The following SLC39A9 variants were observed in gnomAD, a reference collection of about 807,000 sequenced individuals.
SLC39A9 encodes zinc transporter ZIP9.
SLC39A9 carries 14 observed loss-of-function variants against 28.4 expected under a neutral mutation model. The ratio of observed to expected loss-of-function variants is 0.49; its 90% CI spans 0.33 to 0.77. SLC39A9 has a LOEUF of 0.77. Among genes scored for constraint, SLC39A9 ranks in the 30% least tolerant of loss-of-function variants. The pLI is 0.02. For synonymous variants in SLC39A9, 119 were observed against 149.6 expected (o/e 0.80, Z 1.49); for missense variants, 283 against 381.1 (o/e 0.74, Z 2.14).
At chr14:69,432,755 C>A (rs999280988) in intron 2 of SLC39A9, among the ~76,000 whole-genome samples, 3 of 152,098 alleles carry the variant, frequency 2.0e-5, no homozygotes, top group Non-Finnish European at 4.4e-5. Flanking sequence ...CAGTTTCATT[C>A]CCCTGGATAT....
chr14:69,443,564 G>A (rs1315039937), intron 3 of SLC39A9, among the ~76,000 whole-genome samples: 1 of 152,266 alleles, frequency 6.6e-6, no homozygotes, highest in African/African-American at 2.4e-5. Flanking sequence ...TTTATTGTCT[G>A]CATTCATAAT....
At chr14:69,414,295 T>C (rs767583637) in intron 1 of SLC39A9, among the ~76,000 whole-genome samples, 5 of 152,186 alleles carry the variant, frequency 3.3e-5, no homozygotes, top group African/African-American at 9.7e-5. Flanking sequence ...TTAAAACTTA[T>C]CTCAATGTAG....
chr14:69,456,264 C>T (rs555883735), intron 6 of SLC39A9, among the ~76,000 whole-genome samples: 24 of 152,290 alleles, frequency 1.6e-4, no homozygotes, highest in Admixed American at 3.3e-4. Context: ...AGAGCAGCAG[C>T]TGGGCAGAGA....
At chr14:69,414,050 CTTTTT>C (rs1186216595) in intron 1 of SLC39A9, among the ~76,000 whole-genome samples, 4 of 132,182 alleles carry the variant, frequency 3.0e-5, no homozygotes, top group Non-Finnish European at 3.2e-5. Flanking sequence ...ATTTCATATT[CTTTTT>C]TTTTTTTTTT....
At chr14:69,404,029 G>C (rs377697339) in intron 1 of SLC39A9, among the ~76,000 whole-genome samples, 16 of 152,232 alleles carry the variant, frequency 1.1e-4, no homozygotes, top group African/African-American at 3.4e-4. Context: ...GGCAGCAAGA[G>C]CAAAACTCCC....
rs76895057 is a variant in SLC39A9, at chr14:69,400,980, TA to T, written c.96+1530del. On this transcript the variant is annotated intron_variant, in intron 1 of 6. Transcript: ENST00000336643. ...TGGGCAACATTGAGACTCTTTCTCTTAAAAAAAAAAAAAAAGAAAATAAAAA... is the reference window on the plus strand; with the variant it reads ...TGGGCAACATTGAGACTCTTTCTCTTAAAAAAAAAAAAAAGAAAATAAAAA... Among the ~76,000 whole-genome samples, 1,084 of 134,308 alleles carry T rather than the reference TA, an allele frequency of 8.1e-3. 3 individuals are homozygous for T. Among genetic ancestry groups the T allele is most frequent in the African/African-American group, 0.012 (424 of 36,318 alleles). The allele number at this position is 134,308 out of a possible 152,430, so 88.1% of individuals were successfully genotyped here.
intron 2 of SLC39A9, among the ~76,000 whole-genome samples, chr14:69,433,042 T>A (rs1454997157): frequency 6.6e-6 from 1 of 152,218 alleles, no homozygotes; most frequent in African/African-American, 2.4e-5. Context: ...ATATGAATTT[T>A]AGAATAGTTT....
chr14:69,442,274 G>A lies in SLC39A9; in HGVS notation c.403+8G>A, dbSNP rs1156819206. 6.2e-7 allele frequency: 1 copy of A among 1,613,330 alleles called. No homozygotes were observed. The highest frequency in any genetic ancestry group is 1.7e-5 in the Admixed American group (1 of 60,000). ...ATGTGCATTCTACTGACGGTGAGTGGCTCCAAGGCTTTCTGGGCAGTGCAA... is the reference window on the plus strand; with the variant it reads ...ATGTGCATTCTACTGACGGTGAGTGACTCCAAGGCTTTCTGGGCAGTGCAA... On this transcript the variant is annotated splice_region_variant and intron_variant, in intron 3 of 6. Transcript: ENST00000336643.
intron 2 of SLC39A9, among the ~76,000 whole-genome samples, chr14:69,434,211 G>A (rs1295394394): frequency 6.6e-6 from 1 of 151,024 alleles, no homozygotes; most frequent in Non-Finnish European, 1.5e-5. Flanking sequence ...AGCCTCCCAA[G>A]TAGCTGGGAT....
chr14:69,400,291 A>G (rs531547983), intron 1 of SLC39A9, among the ~76,000 whole-genome samples: 7 of 152,322 alleles, frequency 4.6e-5, no homozygotes, highest in South Asian at 4.1e-4. Context: ...TTTCAAATCT[A>G]TTTGCTTAGC....
intron 2 of SLC39A9, among the ~76,000 whole-genome samples, chr14:69,435,803 G>A (rs997373649): frequency 6.6e-6 from 1 of 152,022 alleles, no homozygotes; most frequent in Non-Finnish European, 1.5e-5. Context: ...CTCACAAGTA[G>A]CTGAGATTAC....
chr14:69,435,119 C>T (rs1319861779), intron 2 of SLC39A9, among the ~76,000 whole-genome samples: 1 of 152,178 alleles, frequency 6.6e-6, no homozygotes, highest in Non-Finnish European at 1.5e-5. Context: ...TGCTGATTTT[C>T]TGCTTCTATT....
chr14:69,407,694 A>G (rs1205628384), intron 1 of SLC39A9, among the ~76,000 whole-genome samples: 1 of 148,630 alleles, frequency 6.7e-6, no homozygotes, highest in East Asian at 2.0e-4. Context: ...GCTGGAGTGC[A>G]ATGGCACGAT....
At chr14:69,413,748 A>C (rs913629130) in intron 1 of SLC39A9, among the ~76,000 whole-genome samples, 3 of 151,980 alleles carry the variant, frequency 2.0e-5, no homozygotes, top group African/African-American at 7.3e-5. Flanking sequence ...AATGGATTGT[A>C]TGTATTATGC....
At chr14:69,455,320 T>G (rs745679713) in intron 5 of SLC39A9, among the ~76,000 whole-genome samples, 4 of 152,086 alleles carry the variant, frequency 2.6e-5, no homozygotes, top group Non-Finnish European at 4.4e-5. Context: ...TTTGTGTGTG[T>G]GTGGGTTTTT....
At chr14:69,456,543 T>C (rs1885873388) in intron 6 of SLC39A9, among the ~76,000 whole-genome samples, 1 of 152,204 alleles carries the variant, frequency 6.6e-6, no homozygotes, top group South Asian at 2.1e-4. Context: ...TTGAATACTT[T>C]GTACTGAACA....
intron 3 of SLC39A9, among the ~76,000 whole-genome samples, chr14:69,443,604 C>G (rs966213756): frequency 2.0e-5 from 3 of 152,218 alleles, no homozygotes; most frequent in African/African-American, 7.2e-5. Context: ...GTCACCATGA[C>G]TCACCTGTAA....
chr14:69,402,317 G>A (rs1882682998), intron 1 of SLC39A9, among the ~76,000 whole-genome samples: 1 of 152,056 alleles, frequency 6.6e-6, no homozygotes, highest in Non-Finnish European at 1.5e-5. Flanking sequence ...TGGGTTGCAT[G>A]CGGCCCACGA....
chr14:69,442,102 T>C lies in SLC39A9; in HGVS notation c.239T>C (p.Val80Ala). ...KHHQASETHN[V>A]IASDKAAEKS... The stretch of plus-strand genomic sequence containing the variant: ...CACCAAGCAAGTGAAACACATAATG[T>C]GATTGCATCAGACAAAGCAGCAGAA... Residue 80 changes from valine to alanine, a missense_variant, in exon 3 of 7, where the codon GTG (valine) becomes GCG (alanine). Physicochemically the swap from Val to Ala is moderately conservative, Grantham distance 64 (BLOSUM62 0). Coordinates refer to ENST00000336643, the MANE Select transcript of SLC39A9 (RefSeq NM_018375.5). The C allele has an allele frequency of 6.2e-7, 1 of 1,614,216 alleles. No individual in the cohort carries two copies. Among genetic ancestry groups the C allele is most frequent in the Non-Finnish European group, 8.5e-7 (1 of 1,180,034 alleles).
Sources: gnomAD v4.1 joint callset for allele counts (sites outside exome capture counted in the v4.1 genomes callset) on GRCh38, gnomAD v4.1.1 for gene constraint, MANE v1.5 for transcripts, NCBI Gene and HGNC (gene_info 2026-07-23, HGNC 2026-07-21) for gene names.